SCFD2: variants seen among roughly 807,000 people sequenced by gnomAD.
SCFD2 encodes the protein sec1 family domain containing 2.
In SCFD2, 54 loss-of-function variants were observed where a neutral mutation model predicts 58.9. That is an observed-to-expected ratio of 0.92 (90% confidence interval 0.74 to 1.15). The LOEUF is 1.15. Among genes scored for constraint, SCFD2 ranks in the 50% most tolerant of loss-of-function variants. The pLI is 0.00. For synonymous variants in SCFD2, 321 were observed against 335.9 expected, an observed-to-expected ratio of 0.96 and a Z score of 0.49; for missense variants, 805 against 836.6, an observed-to-expected ratio of 0.96 and a Z score of 0.47.
chr4:53,195,410 C>T (rs1424829940), intron 4 of SCFD2, among the ~76,000 whole-genome samples: 1 of 152,088 alleles, frequency 6.6e-6, no homozygotes, highest in Non-Finnish European at 1.5e-5. Context: ...AGAAACCTGC[C>T]TTTACCTCTA....
intron 7 of SCFD2, among the ~76,000 whole-genome samples, chr4:52,894,565 T>C (rs950144779): frequency 4.6e-5 from 7 of 152,214 alleles, no homozygotes; most frequent in Non-Finnish European, 1.0e-4. Context: ...AGCTTTCCTC[T>C]AAGGAGCTCA....
chr4:53,023,019 C>T (rs1722386004), intron 5 of SCFD2, among the ~76,000 whole-genome samples: 1 of 152,102 alleles, frequency 6.6e-6, no homozygotes, highest in African/African-American at 2.4e-5. Flanking sequence ...CACATTAAAC[C>T]TCTTTAGTGC....
chr4:53,318,129 CA>C (rs1258967750), intron 2 of SCFD2, among the ~76,000 whole-genome samples: 1 of 152,164 alleles, frequency 6.6e-6, no homozygotes, highest in Non-Finnish European at 1.5e-5. Flanking sequence ...CCAATGCAAG[CA>C]ATCTCCTTAT....
intron 4 of SCFD2, among the ~76,000 whole-genome samples, chr4:53,177,444 T>A (rs1474768786): frequency 2.0e-5 from 3 of 151,858 alleles, no homozygotes; most frequent in African/African-American, 7.2e-5. Context: ...TTTATTTGTT[T>A]GTTTGTTTGT....
At chr4:53,338,569 A>ATTTTTC (rs1553901775) in intron 2 of SCFD2, among the ~76,000 whole-genome samples, 14 of 58,366 alleles carry the variant, frequency 2.4e-4, no homozygotes, top group African/African-American at 7.0e-4. Flanking sequence ...AAAGCAGTAT[A>ATTTTTC]TTTTTCTTTT....
At chr4:53,204,634 G>A (rs770718202) in intron 4 of SCFD2, among the ~76,000 whole-genome samples, 5 of 149,012 alleles carry the variant, frequency 3.4e-5, no homozygotes, top group Non-Finnish European at 7.4e-5. Flanking sequence ...AGAGAAAATG[G>A]AAAAAGGGAA....
chr4:53,298,245 C>T (rs1262532277), intron 3 of SCFD2, among the ~76,000 whole-genome samples: 1 of 152,140 alleles, frequency 6.6e-6, no homozygotes, highest in Admixed American at 6.5e-5. Context: ...TCACTCCCAC[C>T]CTAATACTGT....
intron 4 of SCFD2, among the ~76,000 whole-genome samples, chr4:53,243,509 C>T (rs1446690542): frequency 6.6e-6 from 1 of 152,060 alleles, no homozygotes; most frequent in African/African-American, 2.4e-5. Flanking sequence ...AGACTGTTAC[C>T]AGCCACTACA....
chr4:52,974,585 C>T (rs879457514), intron 5 of SCFD2, among the ~76,000 whole-genome samples: 25 of 151,946 alleles, frequency 1.6e-4, no homozygotes, highest in Non-Finnish European at 2.4e-4. Flanking sequence ...ATGAAAATGG[C>T]CATACTGCCC....
At chr4:53,250,810 C>T (rs1252760516) in intron 4 of SCFD2, among the ~76,000 whole-genome samples, 2 of 152,172 alleles carry the variant, frequency 1.3e-5, no homozygotes, top group Admixed American at 6.5e-5. Context: ...CTAAAATTGA[C>T]ACCCTAACAT....
chr4:53,228,572 A>C (rs1169661115), intron 4 of SCFD2, among the ~76,000 whole-genome samples: 4 of 152,042 alleles, frequency 2.6e-5, no homozygotes, highest in Admixed American at 1.3e-4. Flanking sequence ...ATTCAACAAC[A>C]CTTCATGCTA....
intron 4 of SCFD2, among the ~76,000 whole-genome samples, chr4:53,207,556 A>G (rs866231521): frequency 0.1 from 2,391 of 23,760 alleles, 411 homozygotes; most frequent in Non-Finnish European, 0.12. Flanking sequence ...TAATATTTAT[A>G]TATAATATAT....
chr4:53,152,570 G>A (rs1042432223), intron 4 of SCFD2, among the ~76,000 whole-genome samples: 1 of 152,094 alleles, frequency 6.6e-6, no homozygotes, highest in African/African-American at 2.4e-5. Flanking sequence ...GAGATTTGGA[G>A]GGGGCAAATA....
chr4:52,905,897 C>T (rs998978191), intron 7 of SCFD2, among the ~76,000 whole-genome samples: 51 of 152,190 alleles, frequency 3.4e-4, no homozygotes, highest in African/African-American at 1.1e-3. Flanking sequence ...TTACACAACA[C>T]GACTCTGTTC....
intron 2 of SCFD2, among the ~76,000 whole-genome samples, chr4:53,324,013 C>T (rs1403306013): frequency 6.6e-6 from 1 of 152,110 alleles, no homozygotes; most frequent in Admixed American, 6.5e-5. Flanking sequence ...TTGAATATTT[C>T]CCACAAGGAA....
intron 5 of SCFD2, among the ~76,000 whole-genome samples, chr4:53,093,670 G>C (rs1724535956): frequency 6.6e-6 from 1 of 152,066 alleles, no homozygotes; most frequent in Admixed American, 6.6e-5. Flanking sequence ...TTTACATGCT[G>C]ATATAAAACA....
At chr4:53,100,150 T>A (rs1415033629) in intron 5 of SCFD2, among the ~76,000 whole-genome samples, 1 of 152,198 alleles carries the variant, frequency 6.6e-6, no homozygotes, top group African/African-American at 2.4e-5. Context: ...CTTCTAATTG[T>A]TACTCATGTG....
At chr4:53,277,604 T>C (rs562447407) in intron 3 of SCFD2, among the ~76,000 whole-genome samples, 14 of 152,326 alleles carry the variant, frequency 9.2e-5, no homozygotes, top group Non-Finnish European at 1.6e-4. Context: ...AGGAATTAAA[T>C]AGATTCAAAA....
At chr4:53,027,742 C>A (rs967803924) in intron 5 of SCFD2, among the ~76,000 whole-genome samples, 1 of 152,060 alleles carries the variant, frequency 6.6e-6, no homozygotes, top group Non-Finnish European at 1.5e-5. Context: ...GTGGGAGGAT[C>A]GCTTGAGCCC....
Sources: gnomAD v4.1 joint callset for allele counts (sites outside exome capture counted in the v4.1 genomes callset) on GRCh38, gnomAD v4.1.1 for gene constraint, MANE v1.5 for transcripts, NCBI Gene and HGNC (gene_info 2026-07-23, HGNC 2026-07-21) for gene names.